MRPS2: variants seen among roughly 807,000 people sequenced by gnomAD.
The protein encoded by MRPS2 is mitochondrial ribosomal protein S2.
A neutral mutation model predicts 18.9 loss-of-function variants in MRPS2; 13 were observed. The ratio of observed to expected loss-of-function variants is 0.69; its 90% CI spans 0.45 to 1.09. The LOEUF is 1.09. Among genes scored for constraint, MRPS2 ranks in the 50% least tolerant of loss-of-function variants. MRPS2 has a pLI of 0.00. For synonymous variants in MRPS2, 186 were observed against 178.4 expected (o/e 1.04, Z -0.34); for missense variants, 389 against 421.7 (o/e 0.92, Z 0.68).
Position 135,502,213 on chromosome 9 carries a change from G to T in MRPS2, c.299+240G>T, listed in dbSNP as rs1018451687. On this transcript the variant is annotated intron_variant, in intron 3 of 3. Transcript: ENST00000241600. ...CCTTGATAGGGCAGGCCTGCTGGGG[G>T]TTGCAGGACTCCACGGGTTCAGAAA... The T allele has an allele frequency of 8.8e-5, 117 of 1,335,650 alleles. 1 individual carries two copies. Among genetic ancestry groups the T allele is most frequent in the Non-Finnish European group, 1.0e-4 (108 of 1,036,904 alleles). 82.7% of individuals were successfully genotyped at this position (1,335,650 alleles called of 1,614,324 possible).
chr9:135,500,695 GC>G lies in MRPS2; in HGVS notation c.-12del. The G allele has an allele frequency of 6.8e-7, 1 of 1,466,820 alleles. No individual in the cohort carries two copies. Among genetic ancestry groups the G allele is most frequent in the South Asian group, 1.4e-5 (1 of 72,606 alleles). 90.9% of individuals were successfully genotyped at this position (1,466,820 alleles called of 1,614,324 possible). On this transcript the variant is annotated 5_prime_UTR_variant, in exon 1 of 4. Transcript: ENST00000241600. ...CTGGCCTGGAGGGAGACCTCGCTCT[GC>G]CCCGCGTCCCAGCCATGGCGACATC...
chr9:135,500,178 A>C (rs1216274674), upstream of MRPS2: 1 of 392,406 alleles, frequency 2.5e-6, no homozygotes. Context: ...ACGGGGTTTA[A>C]GCACTGCAGG....
intron 1 of MRPS2, 83 bp from the exon 2 acceptor site, chr9:135,500,915 G>A: frequency 6.3e-7 from 1 of 1,589,042 alleles, no homozygotes; most frequent in Non-Finnish European, 8.6e-7. Flanking sequence ...TAGGGACGCG[G>A]AGGGGCCCGT....
chr9:135,500,645 G>A, upstream of MRPS2: 4 of 1,393,098 alleles, frequency 2.9e-6, no homozygotes, highest in African/African-American at 1.5e-5. Context: ...CGCGCGGATG[G>A]CGACGGAAGG....
At position 135,503,560 on chromosome 9, in the gene MRPS2, C is replaced by T; in HGVS notation, c.318C>T (p.Ile106=). The stretch of plus-strand genomic sequence containing the variant: ...CTGGCAGGTTTATGGAGCCGTACAT[C>T]TTTGGGAGCCGCCTGGACCACGACA... ...GCRHRFMEPY[I]FGSRLDHDII... is the part of the protein sequence containing the mutation. The change falls in exon 4 of 4, where the codon ATC becomes ATT. Residue 106 remains isoleucine (I), a synonymous_variant. Coordinates refer to ENST00000241600, the MANE Select transcript of MRPS2 (RefSeq NM_016034.5). 1 of 1,613,386 alleles carries T rather than the reference C, an allele frequency of 6.2e-7. No individual in the cohort carries two copies. Among genetic ancestry groups the T allele is most frequent in the Non-Finnish European group, 8.5e-7 (1 of 1,179,840 alleles).
At chr9:135,501,548 C>T in intron 2 of MRPS2, 1 of 947,084 alleles carries the variant, frequency 1.1e-6, no homozygotes, top group Non-Finnish European at 1.4e-6. Flanking sequence ...ACCTGAGCAA[C>T]CCGCTGGGCC....
At chr9:135,501,660 C>G in intron 2 of MRPS2, 184 bp from the exon 3 acceptor site, 1 of 1,415,056 alleles carries the variant, frequency 7.1e-7, no homozygotes, top group Non-Finnish European at 9.2e-7. Context: ...GAACCTGGCT[C>G]CAGCCCTCTG....
chr9:135,501,229 C>T (rs1831120478), intron 2 of MRPS2, 106 bp downstream of exon 2: 2 of 1,448,816 alleles, frequency 1.4e-6, no homozygotes, highest in East Asian at 2.5e-5. Flanking sequence ...GTCGAAACTG[C>T]GCGCTCCGCT....
In MRPS2 at chr9:135,504,255, A is replaced by G; in HGVS notation, c.*122A>G. 1 of 914,510 alleles carries G rather than the reference A, an allele frequency of 1.1e-6. No homozygotes were observed. Among genetic ancestry groups the G allele is most frequent in the African/African-American group, 1.7e-5 (1 of 59,566 alleles). 56.6% of individuals were successfully genotyped at this position (914,510 alleles called of 1,614,324 possible). On this transcript the variant is annotated 3_prime_UTR_variant, in exon 4 of 4. Coordinates refer to ENST00000241600, the MANE Select transcript of MRPS2 (RefSeq NM_016034.5). This position sits in a 1 kb window ranked among gnomAD's most constrained non-coding sequence, Gnocchi z 4.3. ...ACTTACTCAGCTGATGTCACAGTGC[A>G]GACATCCACCGTTCCACCACAGAAC...
rs1453077194 is a variant in MRPS2, at chr9:135,500,997, G to C, written c.44-1G>C. ...CAGGACCTCTATCTACTTCCCCCCA[G>C]GTGCCCGGGCCCCGTCGCGCTGGTT... On this transcript the variant is annotated splice_acceptor_variant, in intron 1 of 3. Coordinates refer to ENST00000241600, the MANE Select transcript of MRPS2 (RefSeq NM_016034.5). LOFTEE classifies it high-confidence loss of function. 1 of 1,611,962 alleles carries C rather than the reference G, an allele frequency of 6.2e-7. No homozygotes were observed. Among genetic ancestry groups the C allele is most frequent in the Non-Finnish European group, 8.5e-7 (1 of 1,179,610 alleles).
At position 135,504,232 on chromosome 9, in the gene MRPS2, T is replaced by A. The variant is rs1001817149; in HGVS notation, c.*99T>A. 2.7e-6 allele frequency: 3 copies of A among 1,120,346 alleles called. No homozygotes were observed. In the Admixed American group the frequency reaches 8.3e-5, roughly 31 times the overall value. The allele number at this position is 1,120,346 out of a possible 1,614,324, so 69.4% of individuals were successfully genotyped here. ...CAGCGGCATCCTCAGTCGTTGTTAC[T>A]TACTCAGCTGATGTCACAGTGCAGA... On this transcript the variant is annotated 3_prime_UTR_variant, in exon 4 of 4. Coordinates refer to ENST00000241600, the MANE Select transcript of MRPS2 (RefSeq NM_016034.5). The surrounding 1 kb of genome is among the most constrained non-coding windows in gnomAD (Gnocchi z 4.3).
intron 3 of MRPS2, among the ~76,000 whole-genome samples, chr9:135,502,909 G>A (rs1303136003): frequency 6.6e-6 from 1 of 152,196 alleles, no homozygotes; most frequent in Non-Finnish European, 1.5e-5. Context: ...GCCTTGATGG[G>A]CAGGGTTGCT....
At chr9:135,500,870 C>T (rs1206046406) in intron 1 of MRPS2, 117 bp downstream of exon 1, 2 of 1,527,224 alleles carry the variant, frequency 1.3e-6, no homozygotes, top group Non-Finnish European at 8.8e-7. Flanking sequence ...GCGGAGGGGA[C>T]TCGGGGAGGG....
intron 3 of MRPS2, chr9:135,503,082 TC>T (rs1831188645): frequency 5.8e-5 from 58 of 996,302 alleles, no homozygotes; most frequent in Non-Finnish European, 6.8e-5. Flanking sequence ...GGATCAGGGT[TC>T]CCCGCCCAGG....
At position 135,504,168 on chromosome 9, in the gene MRPS2, G is replaced by A. The variant is rs747336262; in HGVS notation, c.*35G>A. 1 of 1,517,500 alleles carries A rather than the reference G, an allele frequency of 6.6e-7. No individual in the cohort carries two copies. Among genetic ancestry groups the A allele is most frequent in the Non-Finnish European group, 8.8e-7 (1 of 1,136,594 alleles). The allele number at this position is 1,517,500 out of a possible 1,614,324, so 94.0% of individuals were successfully genotyped here. On this transcript the variant is annotated 3_prime_UTR_variant, in exon 4 of 4. Transcript: ENST00000241600. This position sits in a 1 kb window ranked among gnomAD's most constrained non-coding sequence, Gnocchi z 4.3. ...TCCTCCCAAAGCAAACCACAGCCAA[G>A]CCTGTCTGAGCTGGGAGTCCCCTTC...
Position 135,500,978 on chromosome 9 carries a change from CTCTA to C in MRPS2, c.44-15_44-12del, listed in dbSNP as rs771899025. The stretch of plus-strand genomic sequence containing the variant: ...TGCATTCGGGACTCGGCGCCAGGAC[CTCTA>C]TCTACTTCCCCCCAGGTGCCCGGGC... On this transcript the variant is annotated splice_polypyrimidine_tract_variant and intron_variant, in intron 1 of 3. Coordinates refer to ENST00000241600, the MANE Select transcript of MRPS2 (RefSeq NM_016034.5). The C allele has an allele frequency of 3.6e-5, 58 of 1,611,518 alleles. No homozygotes were observed. Among genetic ancestry groups the C allele is most frequent in the Non-Finnish European group, 4.7e-5 (56 of 1,179,370 alleles).
In MRPS2 at chr9:135,503,725, CTG is replaced by C. The variant is rs1210823007; in HGVS notation, c.486_487del (p.Cys162TrpfsTer42). 3 of 1,613,428 alleles carry C rather than the reference CTG, an allele frequency of 1.9e-6. No individual in the cohort carries two copies. Among genetic ancestry groups the C allele is most frequent in the African/African-American group, 1.3e-5 (1 of 75,026 alleles). On this transcript the variant is annotated frameshift_variant, in exon 4 of 4. Transcript: ENST00000241600. LOFTEE classifies it high-confidence loss of function. ...ACCTGATTGAGAACATGGCCCGTGA[CTG>C]TGGCGAGTACGCCCACACTCGCTAC... ...SYLIENMARDCGEYAHTRYFR... is the reference protein window; with the variant it reads ...SYLIENMARDXGEYAHTRYFR...
rs774077286 is a variant in MRPS2 at position 135,500,755 on chromosome 9, T to A, written c.43+2T>A. ...CGCTGCCCCGAATACTCGGCGCGGG[T>A]GAGCGCGCGCTTGCGGGACCCTGGG... On this transcript the variant is annotated splice_donor_variant, in intron 1 of 3. Transcript: ENST00000241600. LOFTEE classifies it high-confidence loss of function. The A allele has an allele frequency of 1.1e-5, 16 of 1,477,410 alleles. No individual in the cohort carries two copies. Among genetic ancestry groups the A allele is most frequent in the South Asian group, 6.8e-5 (5 of 73,456 alleles). The allele number at this position is 1,477,410 out of a possible 1,614,324, so 91.5% of individuals were successfully genotyped here. A position where few individuals can be genotyped will look rare whatever the true frequency, so the allele number is the denominator to read the frequency against.
chr9:135,503,290 T>G (rs1022337360), intron 3 of MRPS2: 8 of 1,383,002 alleles, frequency 5.8e-6, no homozygotes, highest in Admixed American at 6.4e-5. Flanking sequence ...TCAGTTCTAT[T>G]AGGATTCCTT....
Sources: allele counts gnomAD v4.1 joint callset (sites outside exome capture counted in the v4.1 genomes callset), GRCh38; gene constraint gnomAD v4.1.1; non-coding constraint Gnocchi (gnomAD v3.1); transcripts MANE v1.5; gene names NCBI Gene and HGNC (gene_info 2026-07-23, HGNC 2026-07-21).